The following GPC5 variants were observed in gnomAD, a reference collection of about 807,000 sequenced individuals.
GPC5 encodes glypican 5, also known as glypican-5.
Under a neutral mutation model 53.9 loss-of-function variants are expected in GPC5, and 47 were observed. The ratio of observed to expected loss-of-function variants is 0.87; its 90% confidence interval spans 0.69 to 1.11. The LOEUF is 1.11. GPC5 is among the 50% of genes most tolerant of loss of function. GPC5 has a pLI of 0.00. For missense variants in GPC5, 748 were observed against 713.1 expected (o/e 1.05, Z -0.56); for synonymous variants, 286 against 263.3 (o/e 1.09, Z -0.84).
At chr13:92,608,902 A>T (rs1884344090) in intron 7 of GPC5, among the ~76,000 whole-genome samples, 1 of 152,032 alleles carries the variant, frequency 6.6e-6, no homozygotes, top group South Asian at 2.1e-4. Flanking sequence ...TAAATATATA[A>T]CCTAACTTAT....
At chr13:92,532,371 C>G (rs1316293108) in intron 7 of GPC5, among the ~76,000 whole-genome samples, 2 of 152,086 alleles carry the variant, frequency 1.3e-5, no homozygotes, top group Non-Finnish European at 2.9e-5. Flanking sequence ...ATTGAACTTA[C>G]TTTCTAGGAG....
chr13:91,882,172 A>C (rs1368708148), intron 5 of GPC5, among the ~76,000 whole-genome samples: 1 of 152,102 alleles, frequency 6.6e-6, no homozygotes, highest in Non-Finnish European at 1.5e-5. Flanking sequence ...ACTTTCTCTT[A>C]ATTTCTAATG....
chr13:92,514,387 G>A (rs1185325302), intron 7 of GPC5, among the ~76,000 whole-genome samples: 1 of 152,022 alleles, frequency 6.6e-6, no homozygotes, highest in African/African-American at 2.4e-5. Context: ...AAGAGCCCAG[G>A]GAAATTTAGA....
chr13:92,550,827 T>G (rs537644497), intron 7 of GPC5, among the ~76,000 whole-genome samples: 4 of 152,004 alleles, frequency 2.6e-5, no homozygotes, highest in African/African-American at 9.6e-5. Context: ...CTGATAATAT[T>G]TGGATCAGTG....
chr13:92,435,832 A>G (rs1877283877), intron 7 of GPC5, among the ~76,000 whole-genome samples: 1 of 152,234 alleles, frequency 6.6e-6, no homozygotes, highest in Non-Finnish European at 1.5e-5. Context: ...AAATTTAAAA[A>G]TAGTCTGAAT....
chr13:92,321,305 G>T (rs1029198632), intron 7 of GPC5, among the ~76,000 whole-genome samples: 1 of 152,198 alleles, frequency 6.6e-6, no homozygotes, highest in East Asian at 1.9e-4. Flanking sequence ...GTCTAAAATA[G>T]AATTATTGCC....
chr13:92,420,230 A>T (rs1876497746), intron 7 of GPC5, among the ~76,000 whole-genome samples: 1 of 152,130 alleles, frequency 6.6e-6, no homozygotes, highest in African/African-American at 2.4e-5. Context: ...ATTATTTTTG[A>T]TTCATTCATT....
intron 7 of GPC5, among the ~76,000 whole-genome samples, chr13:92,188,878 A>T (rs2042202623): frequency 6.6e-6 from 1 of 152,240 alleles, no homozygotes; most frequent in South Asian, 2.1e-4. Flanking sequence ...AAAAGCCAAC[A>T]GTCCTTCTTA....
At chr13:91,553,434 TA>T (rs1210712953) in intron 2 of GPC5, among the ~76,000 whole-genome samples, 1 of 152,104 alleles carries the variant, frequency 6.6e-6, no homozygotes, top group African/African-American at 2.4e-5. Context: ...TAGAGCTCAA[TA>T]AATGCCTGTA....
intron 6 of GPC5, among the ~76,000 whole-genome samples, chr13:92,143,620 G>A (rs1594780575): frequency 6.6e-6 from 1 of 152,100 alleles, no homozygotes; most frequent in Admixed American, 6.6e-5. Flanking sequence ...CTGTCAAATT[G>A]TTTTAGTATT....
chr13:92,357,659 G>C (rs1224757576), intron 7 of GPC5, among the ~76,000 whole-genome samples: 20 of 151,574 alleles, frequency 1.3e-4, no homozygotes, highest in Non-Finnish European at 1.5e-5. Context: ...AACTTAGTTT[G>C]GGAGGTCTAA....
chr13:91,600,348 A>AGT (rs1188484947), intron 2 of GPC5, among the ~76,000 whole-genome samples: 9 of 95,266 alleles, frequency 9.4e-5, no homozygotes, highest in African/African-American at 2.8e-4. Flanking sequence ...AGAGAGAGAG[A>AGT]GTGTGTGTGT....
chr13:91,433,257 T>A (rs1478711036), intron 1 of GPC5, among the ~76,000 whole-genome samples: 1 of 151,938 alleles, frequency 6.6e-6, no homozygotes, highest in East Asian at 1.9e-4. Context: ...CATGCAGGTT[T>A]GTTACATATG....
intron 7 of GPC5, among the ~76,000 whole-genome samples, chr13:92,840,404 G>A (rs80239278): frequency 0.024 from 3,702 of 151,764 alleles, 118 homozygotes; most frequent in African/African-American, 0.083. Context: ...TTAGCATTCC[G>A]TTGAAAACCA....
At chr13:92,014,099 T>A (rs562090017) in intron 6 of GPC5, among the ~76,000 whole-genome samples, 1 of 152,310 alleles carries the variant, frequency 6.6e-6, no homozygotes, top group East Asian at 1.9e-4. Context: ...AATAGTAGAT[T>A]CCAAGTGCCA....
chr13:92,771,361 G>A (rs373051187), intron 7 of GPC5, among the ~76,000 whole-genome samples: 6 of 151,728 alleles, frequency 4.0e-5, no homozygotes, highest in South Asian at 2.1e-4. Context: ...TTTTTCTTTC[G>A]AGACAGAGTC....
chr13:91,782,026 T>C (rs371455208), intron 5 of GPC5, among the ~76,000 whole-genome samples: 1 of 152,248 alleles, frequency 6.6e-6, no homozygotes, highest in African/African-American at 2.4e-5. Flanking sequence ...TAATATATTT[T>C]AGTTAAACAA....
At chr13:92,728,570 C>G (rs1387326221) in intron 7 of GPC5, among the ~76,000 whole-genome samples, 1 of 149,576 alleles carries the variant, frequency 6.7e-6, no homozygotes, top group African/African-American at 2.5e-5. Context: ...AAAATACTTT[C>G]CACTTCTAGG....
chr13:92,573,856 CAGT>C (rs1566300057), intron 7 of GPC5, among the ~76,000 whole-genome samples: 1 of 152,122 alleles, frequency 6.6e-6, no homozygotes, highest in Non-Finnish European at 1.5e-5. Context: ...CATACCTGCC[CAGT>C]TGCAGTCCAC....
Sources: allele counts gnomAD v4.1 joint callset (sites outside exome capture counted in the v4.1 genomes callset), GRCh38; gene constraint gnomAD v4.1.1; transcripts MANE v1.5; gene names NCBI Gene and HGNC (gene_info 2026-07-23, HGNC 2026-07-21).